The following IWS1 variants were observed in gnomAD, a reference collection of about 807,000 sequenced individuals.
The protein encoded by IWS1 is interacts with SUPT6H, CTD assembly factor 1.
In IWS1, 27 loss-of-function variants were observed where a neutral mutation model predicts 86.7. The observed-to-expected ratio is 0.31, with a 90% CI of 0.23 to 0.43. The LOEUF is 0.43. IWS1 is among the 20% of genes least tolerant of loss of function. The pLI is 1.00. For synonymous variants in IWS1, 313 were observed against 335.1 expected, an observed-to-expected ratio of 0.93 and a Z score of 0.72; for missense variants, 827 against 1,000.8, an observed-to-expected ratio of 0.83 and a Z score of 2.34.
rs1170133753 is a variant in IWS1, at chr2:127,526,405, C to T, written c.-197G>A. ...GACCTGGAAGCCCCGGCGGAAAAGG[C>T]CGTACCCGGCAGGCTGGCGGGCGGG... On this transcript the variant is annotated 5_prime_UTR_variant, in exon 1 of 14. Coordinates refer to ENST00000295321, the MANE Select transcript of IWS1 (RefSeq NM_017969.3). The T allele has an allele frequency of 6.5e-7, 1 of 1,535,860 alleles. No homozygotes were observed. The highest frequency in any genetic ancestry group is 8.7e-7 in the Non-Finnish European group (1 of 1,145,568).
rs532083460 is a variant in IWS1 at position 127,503,321 on chromosome 2, T to C, written c.1409+66A>G. 1.7e-5 allele frequency: 21 copies of C among 1,213,186 alleles called. No individual in the cohort carries two copies. In the African/African-American group the frequency reaches 3.2e-4, roughly 18 times the overall value. 75.2% of individuals were successfully genotyped at this position (1,213,186 alleles called of 1,614,324 possible). A position where few individuals can be genotyped will look rare whatever the true frequency, so the allele number is the denominator to read the frequency against. Reference sequence around the variant, plus strand: ...CAATTAGGCAGGACATATTGTATTATAACACAGACCCCTCTCTACTGCCTA... The same window carrying C: ...CAATTAGGCAGGACATATTGTATTACAACACAGACCCCTCTCTACTGCCTA... On this transcript the variant is annotated intron_variant, in intron 4 of 13. Transcript: ENST00000295321.
chr2:127,514,121 C>T (rs1274941466), intron 2 of IWS1, among the ~76,000 whole-genome samples: 1 of 152,244 alleles, frequency 6.6e-6, no homozygotes, highest in African/African-American at 2.4e-5. Flanking sequence ...AGGCTACCTA[C>T]AGCCCATACT....
Position 127,489,571 on chromosome 2 carries a change from G to A in IWS1, c.2159+261C>T. On this transcript the variant is annotated intron_variant, in intron 11 of 13. Coordinates refer to ENST00000295321, the MANE Select transcript of IWS1 (RefSeq NM_017969.3). This position sits in a 1 kb window ranked among gnomAD's most constrained non-coding sequence, Gnocchi z 4.8. ...GACCCAGAAAGTTGTTTTCTCAAGT[G>A]GATGGAACAACACAAGCAATCAGTA... 1 of 522,012 alleles carries A rather than the reference G, an allele frequency of 1.9e-6. No homozygotes were observed. The highest frequency in any genetic ancestry group is 3.4e-6 in the Non-Finnish European group (1 of 296,804). 32.3% of individuals were successfully genotyped at this position (522,012 alleles called of 1,614,324 possible).
chr2:127,505,169 G>A lies in IWS1; in HGVS notation c.734C>T (p.Pro245Leu). The change falls in exon 3 of 14, where the codon CCT becomes CTT. Residue 245 changes from proline to leucine, a missense_variant. Around this residue, in one of 2 missense-constraint regions of IWS1, gnomAD observed 548 missense variants for 560.2 expected, o/e 0.98. Coordinates refer to ENST00000295321, the MANE Select transcript of IWS1 (RefSeq NM_017969.3). The surrounding 1 kb of genome is among the most constrained non-coding windows in gnomAD (Gnocchi z 5.0). ...SDSENEELPK[P>L]RISDSESEDP... ...CTCACTTTCTGAGTCACTGATACGAGGTTTGGGAAGCTCCTCATTTTCAGA... is the reference window on the plus strand; with the variant it reads ...CTCACTTTCTGAGTCACTGATACGAAGTTTGGGAAGCTCCTCATTTTCAGA... The A allele has an allele frequency of 3.7e-6, 6 of 1,613,680 alleles. No homozygotes were observed. Among genetic ancestry groups the A allele is most frequent in the Non-Finnish European group, 5.1e-6 (6 of 1,179,876 alleles).
intron 5 of IWS1, among the ~76,000 whole-genome samples, chr2:127,502,290 T>C (rs1007137651): frequency 9.9e-5 from 15 of 152,230 alleles, no homozygotes; most frequent in South Asian, 6.2e-4. Context: ...CTAAATTTTG[T>C]CCCCAAGCCT....
intron 1 of IWS1, among the ~76,000 whole-genome samples, chr2:127,524,629 C>T (rs552433420): frequency 6.6e-6 from 1 of 151,834 alleles, no homozygotes. Context: ...ACCTCCACCC[C>T]CCCGGGTTCA....
intron 10 of IWS1, among the ~76,000 whole-genome samples, chr2:127,490,337 T>C (rs1690158934): frequency 6.6e-6 from 1 of 152,254 alleles, no homozygotes; most frequent in Non-Finnish European, 1.5e-5. Context: ...TTTCTTATCC[T>C]AACCCAGAAC....
chr2:127,513,653 T>C (rs1691596437), intron 2 of IWS1, among the ~76,000 whole-genome samples: 1 of 152,228 alleles, frequency 6.6e-6, no homozygotes, highest in African/African-American at 2.4e-5. Context: ...TTAGTACATT[T>C]TGAGTTAGCT....
At position 127,496,123 on chromosome 2, in the gene IWS1, T is replaced by C; in HGVS notation, c.1591A>G (p.Met531Val). The C allele has an allele frequency of 6.2e-7, 1 of 1,613,598 alleles. No individual in the cohort carries two copies. Among genetic ancestry groups the C allele is most frequent in the Non-Finnish European group, 8.5e-7 (1 of 1,179,846 alleles). ...KHMDFLSDFE[M>V]MLQRKKSMSG... ...ATGCTCTTTTTTCGCTGCAACATCATCTCAAAATCTGACAGAAAGTCCATA... is the reference window on the plus strand; with the variant it reads ...ATGCTCTTTTTTCGCTGCAACATCACCTCAAAATCTGACAGAAAGTCCATA... The change falls in exon 7 of 14, where the codon ATG (methionine) becomes GTG (valine). Residue 531 changes from methionine (M) to valine (V), a missense_variant. Met to Val is a conservative substitution (Grantham distance 21). Transcript: ENST00000295321.
chr2:127,502,735 T>C (rs1690885289), intron 5 of IWS1, 80 bp downstream of exon 5: 10 of 678,124 alleles, frequency 1.5e-5, no homozygotes, highest in Non-Finnish European at 2.1e-5. Context: ...CTTATTAGAA[T>C]CATCTATAAT....
At chr2:127,487,513 T>TA (rs1318478023) in intron 12 of IWS1, among the ~76,000 whole-genome samples, 1 of 152,098 alleles carries the variant, frequency 6.6e-6, no homozygotes, top group East Asian at 1.9e-4. Context: ...GAGAGAAGGG[T>TA]AAAAAATTCT....
intron 2 of IWS1, among the ~76,000 whole-genome samples, chr2:127,515,954 G>A (rs1691744213): frequency 6.6e-6 from 1 of 152,174 alleles, no homozygotes; most frequent in Non-Finnish European, 1.5e-5. Context: ...GTTGAGAAGT[G>A]GAGATTCCCA....
Position 127,505,792 on chromosome 2 carries a change from A to G in IWS1, c.151-40T>C. 2 of 1,275,528 alleles carry G rather than the reference A, an allele frequency of 1.6e-6. No individual in the cohort carries two copies. Among genetic ancestry groups the G allele is most frequent in the Non-Finnish European group, 1.1e-6 (1 of 930,028 alleles). 79.0% of individuals were successfully genotyped at this position (1,275,528 alleles called of 1,614,324 possible). A position where few individuals can be genotyped will look rare whatever the true frequency, so the allele number is the denominator to read the frequency against. On this transcript the variant is annotated intron_variant, in intron 2 of 13. Coordinates refer to ENST00000295321, the MANE Select transcript of IWS1 (RefSeq NM_017969.3). This position sits in a 1 kb window ranked among gnomAD's most constrained non-coding sequence, Gnocchi z 5.0. ...GAGAAAAAATTAGGAAAGTGCAAAA[A>G]AAAAAAAACCATTAATAATAAAACA...
At position 127,492,072 on chromosome 2, in the gene IWS1, T is replaced by C; in HGVS notation, c.1946A>G (p.Gln649Arg). ...KILQELPSVSQETLKHSGIGR... is the reference protein window; with the variant it reads ...KILQELPSVSRETLKHSGIGR... ...AATCCCACTATGCTTCAGGGTCTCC[T>C]GGCTCACACTAGGCAGCTGGGGAAC... Residue 649 changes from glutamine (Q) to arginine (R), a missense_variant, in exon 10 of 14, where the codon CAG becomes CGG. Coordinates refer to ENST00000295321, the MANE Select transcript of IWS1 (RefSeq NM_017969.3). 6 of 1,613,264 alleles carry C rather than the reference T, an allele frequency of 3.7e-6. No homozygotes were observed. Among genetic ancestry groups the C allele is most frequent in the Non-Finnish European group, 5.1e-6 (6 of 1,179,184 alleles).
In IWS1 at chr2:127,505,402, A is replaced by C. The variant is rs764235123; in HGVS notation, c.501T>G (p.Ser167Arg). ...SDSEIEELQK[S>R]PASDSETEDA... ...CTTCTGTTTCAGAGTCACTAGCAGG[A>C]CTCTTCTGGAGCTCCTCAATCTCAG... Residue 167 changes from serine to arginine, a missense_variant, in exon 3 of 14, where the codon AGT becomes AGG. Coordinates refer to ENST00000295321, the MANE Select transcript of IWS1 (RefSeq NM_017969.3). The surrounding 1 kb of genome is among the most constrained non-coding windows in gnomAD (Gnocchi z 5.0). 1.2e-6 allele frequency: 2 copies of C among 1,613,646 alleles called. No individual in the cohort carries two copies. Among genetic ancestry groups the C allele is most frequent in the Non-Finnish European group, 1.7e-6 (2 of 1,179,914 alleles).
chr2:127,508,670 C>T (rs1328097382), intron 2 of IWS1, among the ~76,000 whole-genome samples: 1 of 152,118 alleles, frequency 6.6e-6, no homozygotes, highest in Non-Finnish European at 1.5e-5. Flanking sequence ...TAAGTACCAA[C>T]GCAGCACAGA....
At chr2:127,523,556 C>T in intron 2 of IWS1, 120 bp downstream of exon 2, 1 of 664,774 alleles carries the variant, frequency 1.5e-6, no homozygotes, top group Non-Finnish European at 2.6e-6. Context: ...AACTTATGCT[C>T]CTTTACTCTC....
intron 1 of IWS1, among the ~76,000 whole-genome samples, chr2:127,524,613 A>G (rs2104751711): frequency 6.7e-6 from 1 of 150,336 alleles, no homozygotes; most frequent in South Asian, 2.1e-4. Context: ...ATCTCAGCTC[A>G]CTGCAACCTC....
At chr2:127,490,849 A>G (rs553782381) in intron 10 of IWS1, 5 of 152,382 alleles carry the variant, frequency 3.3e-5, no homozygotes, top group Admixed American at 2.0e-4. Context: ...AGATGGTAGT[A>G]TATCTCTGGT....
Sources: allele counts gnomAD v4.1 joint callset (sites outside exome capture counted in the v4.1 genomes callset), GRCh38; gene constraint gnomAD v4.1.1; regional missense constraint gnomAD v4.1.1; non-coding constraint Gnocchi (gnomAD v3.1); transcripts MANE v1.5; gene names NCBI Gene and HGNC (gene_info 2026-07-23, HGNC 2026-07-21).